DRC11: variants seen among roughly 807,000 people sequenced by gnomAD.
DRC11 encodes the protein IQ and AAA domain-containing protein 1.
chr2:236,399,475 T>G, the DRC11 span: 1 of 1,613,982 alleles, frequency 6.2e-7, no homozygotes, highest in Non-Finnish European at 8.5e-7. The surrounding 1 kb of genome is among the most constrained non-coding windows in gnomAD (Gnocchi z 7.0). Context: ...CATTTTCCAT[T>G]TTTCGTCTTC....
the DRC11 span, among the ~76,000 whole-genome samples, chr2:236,342,556 AG>A: frequency 6.6e-6 from 1 of 152,214 alleles, no homozygotes; most frequent in African/African-American, 2.4e-5. This position sits in a 1 kb window ranked among gnomAD's most constrained non-coding sequence, Gnocchi z 5.8. Flanking sequence ...GGAAGGCAGC[AG>A]GAACTCTGCA....
At chr2:236,369,893 G>C in the DRC11 span, among the ~76,000 whole-genome samples, 5 of 152,180 alleles carry the variant, frequency 3.3e-5, no homozygotes, top group Non-Finnish European at 7.3e-5. This position sits in a 1 kb window ranked among gnomAD's most constrained non-coding sequence, Gnocchi z 4.5. Context: ...AGGCATTTAG[G>C]ATAGAGGGCG....
chr2:236,330,617 G>A, the DRC11 span, among the ~76,000 whole-genome samples: 1 of 152,202 alleles, frequency 6.6e-6, no homozygotes, highest in African/African-American at 2.4e-5. The surrounding 1 kb of genome is among the most constrained non-coding windows in gnomAD (Gnocchi z 5.5). Context: ...GCTTGGATGG[G>A]AATTTCAGTG....
the DRC11 span, among the ~76,000 whole-genome samples, chr2:236,429,367 T>C: frequency 6.6e-6 from 1 of 152,166 alleles, no homozygotes; most frequent in Admixed American, 6.5e-5. This position sits in a 1 kb window ranked among gnomAD's most constrained non-coding sequence, Gnocchi z 5.9. Flanking sequence ...TCTGCATGCA[T>C]GGGCATCTTT....
At chr2:236,449,079 C>T in the DRC11 span, among the ~76,000 whole-genome samples, 938 of 152,068 alleles carry the variant, frequency 6.2e-3, 10 homozygotes, top group African/African-American at 0.022. The surrounding 1 kb of genome is among the most constrained non-coding windows in gnomAD (Gnocchi z 5.1). Flanking sequence ...AAGCTGGTCT[C>T]GAACTCCTGA....
the DRC11 span, among the ~76,000 whole-genome samples, chr2:236,442,494 C>T: frequency 6.6e-6 from 1 of 152,188 alleles, no homozygotes; most frequent in Non-Finnish European, 1.5e-5. Context: ...CTGGTAGCTT[C>T]CTACAGGCTA....
chr2:236,457,947 T>C, the DRC11 span, among the ~76,000 whole-genome samples: 1 of 152,204 alleles, frequency 6.6e-6, no homozygotes, highest in Non-Finnish European at 1.5e-5. This position sits in a 1 kb window ranked among gnomAD's most constrained non-coding sequence, Gnocchi z 4.7. Context: ...AAACCAATAA[T>C]AGGGTTAAAT....
chr2:236,411,838 T>C, the DRC11 span, among the ~76,000 whole-genome samples: 4 of 143,802 alleles, frequency 2.8e-5, no homozygotes, highest in South Asian at 2.3e-4. Flanking sequence ...TAGGTGGGAA[T>C]TGAACAATGA....
chr2:236,342,262 G>A, the DRC11 span, among the ~76,000 whole-genome samples: 12 of 152,150 alleles, frequency 7.9e-5, no homozygotes, highest in African/African-American at 2.9e-4. The surrounding 1 kb of genome is among the most constrained non-coding windows in gnomAD (Gnocchi z 5.8). Flanking sequence ...CTGTGCCCTT[G>A]GGATCAGGGC....
chr2:236,502,482 CAGG>C, the DRC11 span, among the ~76,000 whole-genome samples: 4 of 121,088 alleles, frequency 3.3e-5, no homozygotes, highest in Non-Finnish European at 6.4e-5. Context: ...GAGGCTGAGA[CAGG>C]AGAATTGCTT....
chr2:236,332,220 G>A, the DRC11 span: 6 of 152,708 alleles, frequency 3.9e-5, no homozygotes, highest in African/African-American at 1.4e-4. This position sits in a 1 kb window ranked among gnomAD's most constrained non-coding sequence, Gnocchi z 5.1. Context: ...TGAGTCCTGG[G>A]TGTTCTCTGG....
At chr2:236,507,065 C>G in the DRC11 span, among the ~76,000 whole-genome samples, 1 of 151,914 alleles carries the variant, frequency 6.6e-6, no homozygotes, top group African/African-American at 2.4e-5. Flanking sequence ...ATTTTCCTTG[C>G]TCACAAGAAG....
chr2:236,475,174 G>A, the DRC11 span, among the ~76,000 whole-genome samples: 4 of 151,892 alleles, frequency 2.6e-5, no homozygotes, highest in African/African-American at 9.7e-5. This position sits in a 1 kb window ranked among gnomAD's most constrained non-coding sequence, Gnocchi z 4.8. Flanking sequence ...AATCTATTCT[G>A]TATCTTCAGG....
At chr2:236,338,927 G>A in the DRC11 span, among the ~76,000 whole-genome samples, 7 of 152,328 alleles carry the variant, frequency 4.6e-5, no homozygotes, top group South Asian at 8.3e-4. Flanking sequence ...AGGAATGAGC[G>A]AGAACAGGCT....
chr2:236,433,106 T>G, the DRC11 span, among the ~76,000 whole-genome samples: 3 of 152,166 alleles, frequency 2.0e-5, no homozygotes, highest in Non-Finnish European at 2.9e-5. Flanking sequence ...TTCTTTTCCA[T>G]TGATGTGCCT....
chr2:236,341,283 A>T, the DRC11 span, among the ~76,000 whole-genome samples: 6 of 152,336 alleles, frequency 3.9e-5, no homozygotes, highest in East Asian at 1.2e-3. Context: ...CGTGCGCCTC[A>T]TTCTTTACCG....
At chr2:236,427,970 C>T in the DRC11 span, among the ~76,000 whole-genome samples, 8 of 151,908 alleles carry the variant, frequency 5.3e-5, no homozygotes, top group Admixed American at 4.6e-4. This position sits in a 1 kb window ranked among gnomAD's most constrained non-coding sequence, Gnocchi z 5.9. Context: ...TAAAATTTGC[C>T]TTTAAATTTC....
At chr2:236,400,831 G>A in the DRC11 span, among the ~76,000 whole-genome samples, 1 of 152,268 alleles carries the variant, frequency 6.6e-6, no homozygotes, top group African/African-American at 2.4e-5. The surrounding 1 kb of genome is among the most constrained non-coding windows in gnomAD (Gnocchi z 7.9). Flanking sequence ...CCATGCATCA[G>A]ATCCAGAGGT....
chr2:236,459,516 TAC>T, the DRC11 span, among the ~76,000 whole-genome samples: 82 of 99,038 alleles, frequency 8.3e-4, no homozygotes, highest in African/African-American at 2.4e-3. Context: ...CGTATACGTA[TAC>T]ATGTATACAT....
Sources: allele counts gnomAD v4.1 joint callset (sites outside exome capture counted in the v4.1 genomes callset), GRCh38; gene constraint gnomAD v4.1.1; non-coding constraint Gnocchi (gnomAD v3.1); transcripts MANE v1.5; gene names NCBI Gene and HGNC (gene_info 2026-07-23, HGNC 2026-07-21).